The following DPP10 variants were observed in gnomAD, a reference collection of about 807,000 sequenced individuals.
The protein encoded by DPP10 is inactive dipeptidyl peptidase 10.
Under a neutral mutation model 120.9 loss-of-function variants are expected in DPP10, and 33 were observed. That is an observed-to-expected ratio of 0.27 (90% CI 0.21 to 0.37). The LOEUF (loss-of-function observed/expected upper bound fraction) is 0.37. DPP10 is among the 10% of genes least tolerant of loss of function. The probability of loss-of-function intolerance (pLI) is 1.00; values close to 1 mark genes in which losing one functional copy is unlikely to be tolerated. For missense variants in DPP10, 816 were observed against 942.8 expected, an observed-to-expected ratio of 0.87 and a Z score of 1.76; for synonymous variants, 337 against 326.1, an observed-to-expected ratio of 1.03 and a Z score of -0.36.
chr2:114,932,117 G>A (rs1696116965), intron 1 of DPP10, among the ~76,000 whole-genome samples: 1 of 152,200 alleles, frequency 6.6e-6, no homozygotes, highest in Non-Finnish European at 1.5e-5. Context: ...GCATCTGTGT[G>A]TCCTAGAAAC....
intron 23 of DPP10, 40 bp from the exon 24 acceptor site, chr2:115,836,634 T>C: frequency 6.2e-7 from 1 of 1,609,824 alleles, no homozygotes; most frequent in East Asian, 2.2e-5. Flanking sequence ...AATGGCTTAT[T>C]TAGATCTATA....
At chr2:115,228,745 A>G (rs1301569666) in intron 1 of DPP10, among the ~76,000 whole-genome samples, 3 of 152,154 alleles carry the variant, frequency 2.0e-5, no homozygotes, top group African/African-American at 7.2e-5. Context: ...TCCATTGTGT[A>G]TAAGTACAAC....
chr2:115,717,582 C>T (rs1028694692), intron 7 of DPP10, among the ~76,000 whole-genome samples: 2 of 151,338 alleles, frequency 1.3e-5, no homozygotes. Context: ...AAGCAACCAA[C>T]AAATGTTAGT....
intron 1 of DPP10, among the ~76,000 whole-genome samples, chr2:115,300,051 T>C (rs193278348): frequency 1.8e-4 from 27 of 152,190 alleles, no homozygotes; most frequent in Admixed American, 1.4e-3. Flanking sequence ...TCTAAAGACA[T>C]TTAATATATT....
At chr2:114,766,817 T>C (rs1258828342) in intron 1 of DPP10, among the ~76,000 whole-genome samples, 4 of 152,080 alleles carry the variant, frequency 2.6e-5, no homozygotes, top group Admixed American at 6.6e-5. Flanking sequence ...GGTAGAGTTC[T>C]TTCCTATGAT....
At chr2:114,961,674 C>A (rs1338471033) in intron 1 of DPP10, among the ~76,000 whole-genome samples, 1 of 152,038 alleles carries the variant, frequency 6.6e-6, no homozygotes, top group Non-Finnish European at 1.5e-5. Flanking sequence ...CTTCATTTTG[C>A]CAGTACCTAG....
At chr2:114,581,097 T>C (rs1463038395) in intron 1 of DPP10, among the ~76,000 whole-genome samples, 1 of 152,038 alleles carries the variant, frequency 6.6e-6, no homozygotes, top group Non-Finnish European at 1.5e-5. Context: ...GGAACTATTA[T>C]ATAATTTTGT....
intron 13 of DPP10, among the ~76,000 whole-genome samples, chr2:115,768,867 G>A (rs1231582810): frequency 6.6e-6 from 1 of 151,474 alleles, no homozygotes; most frequent in African/African-American, 2.4e-5. Flanking sequence ...CAAATACAGT[G>A]CAGATTTTTA....
At chr2:114,752,888 G>T (rs191064625) in intron 1 of DPP10, among the ~76,000 whole-genome samples, 4 of 152,338 alleles carry the variant, frequency 2.6e-5, no homozygotes, top group South Asian at 2.1e-4. Context: ...TATAGGCAGA[G>T]ATTGTCAATG....
chr2:114,794,862 A>G (rs1172773282), intron 1 of DPP10, among the ~76,000 whole-genome samples: 1 of 152,198 alleles, frequency 6.6e-6, no homozygotes, highest in African/African-American at 2.4e-5. Context: ...AACATTATTT[A>G]ACCTCAGAAT....
intron 1 of DPP10, among the ~76,000 whole-genome samples, chr2:115,131,440 G>A (rs922770676): frequency 6.6e-6 from 1 of 152,104 alleles, no homozygotes; most frequent in African/African-American, 2.4e-5. Flanking sequence ...TTGAGTCCGG[G>A]AGGTCAAGGC....
intron 1 of DPP10, among the ~76,000 whole-genome samples, chr2:114,496,281 A>G (rs891694852): frequency 1.3e-5 from 2 of 152,166 alleles, no homozygotes; most frequent in African/African-American, 4.8e-5. Flanking sequence ...TGGTAGCACT[A>G]TATCAGAAGC....
At chr2:114,777,167 A>G (rs1048062198) in intron 1 of DPP10, among the ~76,000 whole-genome samples, 3 of 152,082 alleles carry the variant, frequency 2.0e-5, no homozygotes, top group Admixed American at 2.0e-4. Context: ...TGTTTTTTAT[A>G]ACCATATTCT....
chr2:115,562,603 A>G (rs1297113805), intron 5 of DPP10, among the ~76,000 whole-genome samples: 1 of 152,216 alleles, frequency 6.6e-6, no homozygotes, highest in Non-Finnish European at 1.5e-5. Flanking sequence ...CCAAAATTAT[A>G]ATCACTTTCT....
At chr2:115,740,458 C>G (rs1677115238) in intron 9 of DPP10, among the ~76,000 whole-genome samples, 1 of 151,982 alleles carries the variant, frequency 6.6e-6, no homozygotes. Flanking sequence ...ATAAAAAAAT[C>G]ACCCATAAAG....
chr2:114,878,768 C>CT (rs1558835961), intron 1 of DPP10, among the ~76,000 whole-genome samples: 1 of 152,032 alleles, frequency 6.6e-6, no homozygotes, highest in Non-Finnish European at 1.5e-5. Context: ...GGATTTCATT[C>CT]TTTTTTTGTG....
chr2:115,131,317 C>T (rs2050345564), intron 1 of DPP10, among the ~76,000 whole-genome samples: 1 of 152,126 alleles, frequency 6.6e-6, no homozygotes, highest in Admixed American at 6.5e-5. Flanking sequence ...GAGTTCAAGA[C>T]AAGCCTGGGC....
At chr2:115,272,221 G>A (rs893140857) in intron 1 of DPP10, among the ~76,000 whole-genome samples, 1 of 152,176 alleles carries the variant, frequency 6.6e-6, no homozygotes, top group African/African-American at 2.4e-5. Flanking sequence ...TTTAGGATAT[G>A]TGGACTATTA....
chr2:114,491,030 C>T (rs947888127), intron 1 of DPP10, among the ~76,000 whole-genome samples: 1 of 152,130 alleles, frequency 6.6e-6, no homozygotes, highest in Admixed American at 6.6e-5. Flanking sequence ...CCCTGGCAAG[C>T]TCATACCTCA....
Sources: allele counts gnomAD v4.1 joint callset (sites outside exome capture counted in the v4.1 genomes callset), GRCh38; gene constraint gnomAD v4.1.1; transcripts MANE v1.5; gene names NCBI Gene and HGNC (gene_info 2026-07-23, HGNC 2026-07-21).